FXYD6: variants seen among roughly 807,000 people sequenced by gnomAD.
FXYD6 encodes FXYD domain containing ion transport regulator 6.
A neutral mutation model predicts 16.7 loss-of-function variants in FXYD6; 7 were observed. That is an observed-to-expected ratio of 0.42 (90% CI 0.24 to 0.79). FXYD6 has a LOEUF of 0.79. Ranked by LOEUF, FXYD6 falls within the 30% of genes least tolerant of loss-of-function variation. The pLI is 0.28. For missense variants in FXYD6, 111 were observed against 116.2 expected (o/e 0.95, Z 0.21); for synonymous variants, 49 against 43.0 (o/e 1.14, Z -0.54).
At chr11:117,862,965 A>C (rs2056942221) in intron 1 of FXYD6, among the ~76,000 whole-genome samples, 1 of 152,220 alleles carries the variant, frequency 6.6e-6, no homozygotes, top group Non-Finnish European at 1.5e-5. Flanking sequence ...GATGATGATG[A>C]TGATGATGTG....
intron 7 of FXYD6, chr11:117,838,562 G>T (rs372729325): frequency 4.9e-6 from 2 of 409,410 alleles, no homozygotes; most frequent in East Asian, 7.8e-5. Flanking sequence ...TTCTGAGAAA[G>T]AACTAGTTTG....
chr11:117,860,672 C>G (rs2056885736), intron 1 of FXYD6, among the ~76,000 whole-genome samples: 1 of 152,214 alleles, frequency 6.6e-6, no homozygotes, highest in Admixed American at 6.5e-5. Context: ...ATCTGCCAGT[C>G]CGTTCCCTTG....
At chr11:117,858,632 T>TTTCTTTCTTTCC (rs1565323143) in intron 1 of FXYD6, among the ~76,000 whole-genome samples, 759 of 20,072 alleles carry the variant, frequency 0.038, 73 homozygotes, top group African/African-American at 0.052. Context: ...CATTTTCTTT[T>TTTCTTTCTTTCC]TTCTTTCTTT....
Position 117,838,009 on chromosome 11 carries a change from C to A in FXYD6, c.*290G>T. The A allele has an allele frequency of 1.7e-6, 1 of 601,648 alleles. No individual in the cohort carries two copies. The highest frequency in any genetic ancestry group is 3.0e-6 in the Non-Finnish European group (1 of 335,294). The allele number at this position is 601,648 out of a possible 1,614,324, so 37.3% of individuals were successfully genotyped here. On this transcript the variant is annotated 3_prime_UTR_variant, in exon 8 of 8. Transcript: ENST00000526014. Reference sequence around the variant, plus strand: ...CACAATACCATCCACAAACAAGTAGCCACAAAGACCACAGTTAGCAAACAC... The same window carrying A: ...CACAATACCATCCACAAACAAGTAGACACAAAGACCACAGTTAGCAAACAC...
intron 3 of FXYD6, 61 bp from the exon 4 acceptor site, chr11:117,841,926 A>G: frequency 3.1e-6 from 5 of 1,613,108 alleles, no homozygotes; most frequent in Non-Finnish European, 3.4e-6. Context: ...TGTTCCCCCT[A>G]CCCCTCCTGC....
At chr11:117,876,533 C>G (rs866547697) in intron 1 of FXYD6, 59 bp downstream of exon 1, 6 of 152,596 alleles carry the variant, frequency 3.9e-5, no homozygotes, top group East Asian at 1.9e-4. Context: ...CGGTCCCCAC[C>G]GAGCCTCGCC....
intron 5 of FXYD6, 62 bp downstream of exon 5, chr11:117,841,085 CA>C (rs1239505949): frequency 1.2e-6 from 2 of 1,603,182 alleles, no homozygotes; most frequent in African/African-American, 1.3e-5. Context: ...GGTCACACAC[CA>C]GGGGTCCCTT....
At chr11:117,841,347 C>T (rs1315543412) in intron 4 of FXYD6, among the ~76,000 whole-genome samples, 163 bp from the exon 5 acceptor site, 1 of 151,840 alleles carries the variant, frequency 6.6e-6, no homozygotes, top group African/African-American at 2.4e-5. Flanking sequence ...GTAGCTTCTT[C>T]TGGGGCAAAG....
intron 1 of FXYD6, among the ~76,000 whole-genome samples, chr11:117,846,870 GT>G (rs1366821578): frequency 1.3e-5 from 2 of 151,908 alleles, no homozygotes; most frequent in Non-Finnish European, 1.5e-5. Context: ...ATTATTCTTG[GT>G]TTTCTGCTCT....
At chr11:117,860,747 G>A (rs1180379732) in intron 1 of FXYD6, among the ~76,000 whole-genome samples, 3 of 152,202 alleles carry the variant, frequency 2.0e-5, no homozygotes, top group African/African-American at 4.8e-5. Context: ...TTTGTAAACT[G>A]TAAAACACCC....
intron 1 of FXYD6, among the ~76,000 whole-genome samples, chr11:117,846,829 C>T (rs769976441): frequency 6.6e-6 from 1 of 152,030 alleles, no homozygotes; most frequent in Non-Finnish European, 1.5e-5. Context: ...TCTCCTCTTC[C>T]CTCTCCTCCT....
At chr11:117,861,522 C>T (rs2056906883) in intron 1 of FXYD6, among the ~76,000 whole-genome samples, 1 of 152,240 alleles carries the variant, frequency 6.6e-6, no homozygotes. Context: ...AGTTCTGTTG[C>T]TGTCATTTGC....
At chr11:117,863,651 C>T (rs1350367377) in intron 1 of FXYD6, among the ~76,000 whole-genome samples, 1 of 152,086 alleles carries the variant, frequency 6.6e-6, no homozygotes, top group African/African-American at 2.4e-5. Flanking sequence ...AAAAGGCATC[C>T]AAATTGGAAA....
At chr11:117,865,783 C>T (rs917334875) in intron 1 of FXYD6, among the ~76,000 whole-genome samples, 4 of 152,092 alleles carry the variant, frequency 2.6e-5, no homozygotes, top group Non-Finnish European at 5.9e-5. Flanking sequence ...AAAAATTAGC[C>T]GGGCGTGGTG....
rs1484018429 is a variant in FXYD6, at chr11:117,870,827, C to G, written c.-6+5765G>C. 3.3e-5 allele frequency among the ~76,000 whole-genome samples: 5 copies of G among 152,138 alleles called. No homozygotes were observed. Among genetic ancestry groups the G allele is most frequent in the Non-Finnish European group, 7.4e-5 (5 of 68,026 alleles). On this transcript the variant is annotated intron_variant, in intron 1 of 7. Transcript: ENST00000526014. The surrounding 1 kb of genome is among the most constrained non-coding windows in gnomAD (Gnocchi z 4.2). ...CACCCCTTCCCATGTAGGGCTGTCA[C>G]CAGTGTATGCCCCCATCACACCATA...
chr11:117,867,706 A>G (rs913516895), intron 1 of FXYD6, among the ~76,000 whole-genome samples: 1 of 152,130 alleles, frequency 6.6e-6, no homozygotes, highest in East Asian at 1.9e-4. Flanking sequence ...TCTACGTTCC[A>G]TCTTCTGCCA....
chr11:117,842,399 T>G, intron 2 of FXYD6: 1 of 553,228 alleles, frequency 1.8e-6, no homozygotes, highest in Non-Finnish European at 3.2e-6. Flanking sequence ...CTTGCTAATA[T>G]GGTCTAGAGA....
chr11:117,854,275 C>G (rs1244509275), intron 1 of FXYD6, among the ~76,000 whole-genome samples: 1 of 152,200 alleles, frequency 6.6e-6, no homozygotes, highest in Non-Finnish European at 1.5e-5. Flanking sequence ...AGGCTTCCCA[C>G]AGTGGCCTCT....
chr11:117,857,584 T>C (rs149998976), intron 1 of FXYD6, among the ~76,000 whole-genome samples: 3 of 152,080 alleles, frequency 2.0e-5, no homozygotes, highest in Non-Finnish European at 4.4e-5. Flanking sequence ...AATTTTTGTA[T>C]TTTTAGTAGA....
Sources: gnomAD v4.1 joint callset for allele counts (sites outside exome capture counted in the v4.1 genomes callset) on GRCh38, gnomAD v4.1.1 for gene constraint, Gnocchi (gnomAD v3.1) non-coding constraint, MANE v1.5 for transcripts, NCBI Gene and HGNC (gene_info 2026-07-23, HGNC 2026-07-21) for gene names.